Variants in CPHXL2 observed in about 807,000 individuals in gnomAD.
CPHXL2 encodes cytoplasmic polyadenylated homeobox like 2.
chr16:75,667,210 A>G, the CPHXL2 span, among the ~76,000 whole-genome samples: 1 of 151,310 alleles, frequency 6.6e-6, no homozygotes, highest in Admixed American at 6.6e-5. Flanking sequence ...TAGTCAGGAG[A>G]CTGAGGCAGA....
At chr16:75,667,277 A>G in the CPHXL2 span, among the ~76,000 whole-genome samples, 2 of 149,034 alleles carry the variant, frequency 1.3e-5, no homozygotes, top group South Asian at 4.2e-4. Flanking sequence ...ATGCCACTGT[A>G]CTCCAGCCTG....
chr16:75,662,339 T>C, the CPHXL2 span, among the ~76,000 whole-genome samples: 12 of 149,352 alleles, frequency 8.0e-5, no homozygotes, highest in Non-Finnish European at 1.2e-4. Flanking sequence ...TCTTTTCTTT[T>C]TTTTTTTTTT....
the CPHXL2 span, chr16:75,669,409 C>T: frequency 5.0e-6 from 2 of 400,622 alleles, no homozygotes; most frequent in Non-Finnish European, 4.4e-6. Context: ...CAGTGTTTTC[C>T]TAGTGGTGAA....
chr16:75,669,271 G>C, the CPHXL2 span: 1 of 394,958 alleles, frequency 2.5e-6, no homozygotes, highest in Middle Eastern at 3.3e-4. Flanking sequence ...AGCCGTGATC[G>C]CTCCATTGCA....
At chr16:75,663,168 AT>A in the CPHXL2 span, among the ~76,000 whole-genome samples, 1 of 152,162 alleles carries the variant, frequency 6.6e-6, no homozygotes, top group Non-Finnish European at 1.5e-5. Flanking sequence ...GGAACCTCTC[AT>A]TTTTATATTT....
the CPHXL2 span, among the ~76,000 whole-genome samples, chr16:75,667,312 CAAAAA>C: frequency 1.3e-5 from 1 of 77,742 alleles, no homozygotes; most frequent in East Asian, 3.8e-4. Flanking sequence ...ACTCCATTTC[CAAAAA>C]AAAAAAAAAA....
the CPHXL2 span, among the ~76,000 whole-genome samples, chr16:75,672,060 T>G: frequency 6.7e-6 from 1 of 149,940 alleles, no homozygotes; most frequent in African/African-American, 2.5e-5. Flanking sequence ...TGACTTGAGG[T>G]CAAGAGTTCG....
chr16:75,663,047 G>A, the CPHXL2 span, among the ~76,000 whole-genome samples: 1 of 152,110 alleles, frequency 6.6e-6, no homozygotes, highest in Non-Finnish European at 1.5e-5. Context: ...TGATCCGCCC[G>A]CCTCGGCCTC....
chr16:75,670,005 C>T, the CPHXL2 span, among the ~76,000 whole-genome samples: 1 of 152,172 alleles, frequency 6.6e-6, no homozygotes, highest in South Asian at 2.1e-4. Flanking sequence ...ACCTCTGCCT[C>T]CTGGGTTCAA....
At chr16:75,665,160 T>C in the CPHXL2 span, among the ~76,000 whole-genome samples, 1 of 152,046 alleles carries the variant, frequency 6.6e-6, no homozygotes. Context: ...TCCCAAAAAA[T>C]AATTGCCTAG....
chr16:75,676,066 C>G, the CPHXL2 span, among the ~76,000 whole-genome samples: 3 of 151,432 alleles, frequency 2.0e-5, no homozygotes, highest in African/African-American at 2.4e-5. Context: ...GTGACAAGAG[C>G]AAAACTCCGT....
chr16:75,675,721 T>C, the CPHXL2 span, among the ~76,000 whole-genome samples: 1 of 152,174 alleles, frequency 6.6e-6, no homozygotes, highest in African/African-American at 2.4e-5. Context: ...CCATTGTTAC[T>C]CTGGGTGCTC....
the CPHXL2 span, among the ~76,000 whole-genome samples, chr16:75,662,796 CT>C: frequency 0.13 from 15,371 of 122,964 alleles, 887 homozygotes; most frequent in East Asian, 0.54. Flanking sequence ...GGAGATAATT[CT>C]TTTTTTTTTT....
the CPHXL2 span, among the ~76,000 whole-genome samples, chr16:75,667,897 C>T: frequency 2.0e-5 from 3 of 152,230 alleles, no homozygotes; most frequent in African/African-American, 7.2e-5. Context: ...AGACTTAAGT[C>T]AAGCATCCAA....
chr16:75,674,929 G>A, the CPHXL2 span, among the ~76,000 whole-genome samples: 5 of 151,574 alleles, frequency 3.3e-5, no homozygotes, highest in African/African-American at 1.2e-4. Context: ...GGTGGCTCAC[G>A]CCTGTAATCT....
the CPHXL2 span, chr16:75,669,441 A>G: frequency 2.5e-6 from 1 of 400,798 alleles, no homozygotes; most frequent in Non-Finnish European, 4.4e-6. Context: ...CGTTCTCTCC[A>G]AATATTTCCT....
the CPHXL2 span, chr16:75,669,232 C>A: frequency 2.5e-6 from 1 of 393,048 alleles, no homozygotes; most frequent in African/African-American, 2.1e-5. Context: ...TGGGGAGTCA[C>A]CTGAGCCCAG....
chr16:75,664,742 C>G, the CPHXL2 span, among the ~76,000 whole-genome samples: 21 of 152,186 alleles, frequency 1.4e-4, no homozygotes, highest in African/African-American at 4.8e-4. Context: ...AAGGACTTTG[C>G]CCTCATGAAT....
the CPHXL2 span, among the ~76,000 whole-genome samples, chr16:75,673,293 G>C: frequency 6.6e-6 from 1 of 151,458 alleles, no homozygotes; most frequent in South Asian, 2.1e-4. Context: ...AAATTAGCTG[G>C]GCATGGAGGC....
Sources: gnomAD v4.1 joint callset for allele counts (sites outside exome capture counted in the v4.1 genomes callset) on GRCh38, gnomAD v4.1.1 for gene constraint, MANE v1.5 for transcripts, NCBI Gene and HGNC (gene_info 2026-07-23, HGNC 2026-07-21) for gene names.